The following MAP2 variants were observed in gnomAD, a reference collection of about 807,000 sequenced individuals.
MAP2 encodes microtubule associated protein 2, also known as microtubule-associated protein 2.
A neutral mutation model predicts 137.6 loss-of-function variants in MAP2; 14 were observed. The ratio of observed to expected loss-of-function variants is 0.10; its 90% CI spans 0.07 to 0.16. The LOEUF (loss-of-function observed/expected upper bound fraction) is 0.16, where lower values mean the gene tolerates loss of function less well. Ranked by LOEUF, MAP2 falls within the 10% of genes least tolerant of loss-of-function variation. The probability of loss-of-function intolerance (pLI) is 1.00; values close to 1 mark genes in which losing one functional copy is unlikely to be tolerated. For missense variants in MAP2, 2,088 were observed against 2,191.5 expected (o/e 0.95, Z 0.94); for synonymous variants, 786 against 782.3 (o/e 1.00, Z -0.08).
Position 209,693,224 on chromosome 2 carries a change from T to A in MAP2, c.1054T>A (p.Ser352Thr). ...CTTTTTACAGCCAGATGACAAAAAATCTCTGCAACAAACCAGTGGCCCAGC... is the reference window on the plus strand; with the variant it reads ...CTTTTTACAGCCAGATGACAAAAAAACTCTGCAACAAACCAGTGGCCCAGC... ...PAFLQPDDKK[S>T]LQQTSGPATA... Residue 352 changes from serine to threonine, a missense_variant, in exon 8 of 16, where the codon TCT becomes ACT. By Grantham distance (58) the Ser-to-Thr change is moderately conservative (BLOSUM62 1). Coordinates refer to ENST00000682079, the MANE Select transcript of MAP2 (RefSeq NM_001375505.1). 2 of 1,613,702 alleles carry A rather than the reference T, an allele frequency of 1.2e-6. No individual in the cohort carries two copies. Among genetic ancestry groups the A allele is most frequent in the Non-Finnish European group, 1.7e-6 (2 of 1,179,930 alleles).
intron 5 of MAP2, among the ~76,000 whole-genome samples, chr2:209,675,005 A>G (rs976657886): frequency 3.3e-5 from 5 of 151,868 alleles, no homozygotes; most frequent in African/African-American, 1.2e-4. Context: ...TAATTGGACC[A>G]GTTGAAATTC....
chr2:209,587,044 A>G (rs1014413053), intron 3 of MAP2, among the ~76,000 whole-genome samples: 1 of 152,084 alleles, frequency 6.6e-6, no homozygotes, highest in Non-Finnish European at 1.5e-5. Context: ...CCCATTCTCA[A>G]TGCTTATTAT....
At position 209,729,937 on chromosome 2, in the gene MAP2, A is replaced by C. The variant is rs1247920237; in HGVS notation, c.5243A>C (p.His1748Pro). ...AKVGSLDNAH[H>P]VPGGGNVKID... is the part of the protein sequence containing the mutation. ...GTTGGTTCTCTTGATAATGCTCATC[A>C]TGTACCTGGAGGTGGTAATGTCAAG... The change falls in exon 15 of 16, where the codon CAT (histidine) becomes CCT (proline). Residue 1748 changes from histidine to proline, a missense_variant. Around this residue, in one of 6 missense-constraint regions of MAP2, gnomAD observed 112 missense variants for 201.0 expected, o/e 0.56. Coordinates refer to ENST00000682079, the MANE Select transcript of MAP2 (RefSeq NM_001375505.1). The C allele has an allele frequency of 6.2e-7, 1 of 1,611,968 alleles. No individual in the cohort carries two copies. The highest frequency in any genetic ancestry group is 8.5e-7 in the Non-Finnish European group (1 of 1,178,184).
intron 14 of MAP2, among the ~76,000 whole-genome samples, chr2:209,729,094 A>C (rs1253723833): frequency 2.0e-5 from 3 of 152,128 alleles, no homozygotes; most frequent in Non-Finnish European, 2.9e-5. Context: ...GGAAGACTAC[A>C]CTGAAGAGTG....
At chr2:209,690,844 G>A in intron 7 of MAP2, 2 of 1,278,430 alleles carry the variant, frequency 1.6e-6, no homozygotes, top group Non-Finnish European at 2.0e-6. Flanking sequence ...CCTCTGCTGG[G>A]GAAGGTGTGT....
At chr2:209,425,941 A>G (rs961143730) in intron 1 of MAP2, among the ~76,000 whole-genome samples, 7 of 152,210 alleles carry the variant, frequency 4.6e-5, no homozygotes, top group African/African-American at 9.6e-5. Flanking sequence ...GAATTTGCAA[A>G]TCATGGATGT....
intron 1 of MAP2, among the ~76,000 whole-genome samples, chr2:209,506,758 T>A (rs35781477): frequency 1.3e-5 from 2 of 152,154 alleles, no homozygotes; most frequent in Non-Finnish European, 2.9e-5. Flanking sequence ...ATTGTCTTAT[T>A]TGAACTTTGC....
At chr2:209,623,354 AT>A (rs948967102) in intron 3 of MAP2, among the ~76,000 whole-genome samples, 3 of 151,982 alleles carry the variant, frequency 2.0e-5, no homozygotes, top group Non-Finnish European at 2.9e-5. Context: ...TATAAAATTC[AT>A]TTTTTTTCTT....
At chr2:209,664,658 G>T (rs1300856108) in intron 5 of MAP2, among the ~76,000 whole-genome samples, 1 of 151,984 alleles carries the variant, frequency 6.6e-6, no homozygotes, top group African/African-American at 2.4e-5. Flanking sequence ...CAATAAATTT[G>T]CAGGAAAGAC....
chr2:209,596,353 C>G (rs1417844466), intron 3 of MAP2, among the ~76,000 whole-genome samples: 2 of 152,162 alleles, frequency 1.3e-5, no homozygotes, highest in Non-Finnish European at 2.9e-5. Flanking sequence ...ACAAAGCACA[C>G]CACGTGAATG....
At chr2:209,436,577 A>G (rs1303915802) in intron 1 of MAP2, among the ~76,000 whole-genome samples, 6 of 151,776 alleles carry the variant, frequency 4.0e-5, no homozygotes, top group Admixed American at 6.6e-5. Context: ...TATAAAAACC[A>G]TACTGTTAAA....
At chr2:209,454,573 G>A (rs758504863) in intron 1 of MAP2, among the ~76,000 whole-genome samples, 5 of 152,136 alleles carry the variant, frequency 3.3e-5, no homozygotes. Context: ...CTGACCTCAA[G>A]TGATCCATCC....
At chr2:209,684,277 C>G (rs994552377) in intron 7 of MAP2, among the ~76,000 whole-genome samples, 4 of 152,114 alleles carry the variant, frequency 2.6e-5, no homozygotes, top group Non-Finnish European at 5.9e-5. Context: ...GTGGTGTTTT[C>G]CTGTGTCATG....
intron 4 of MAP2, among the ~76,000 whole-genome samples, chr2:209,651,175 G>A (rs2094767433): frequency 6.6e-6 from 1 of 152,150 alleles, no homozygotes; most frequent in Non-Finnish European, 1.5e-5. Flanking sequence ...ATGGCAGAAT[G>A]GAGTGTAGAA....
At chr2:209,674,568 T>C (rs920683215) in intron 5 of MAP2, among the ~76,000 whole-genome samples, 8 of 151,772 alleles carry the variant, frequency 5.3e-5, no homozygotes, top group Non-Finnish European at 7.4e-5. Context: ...TGAGATTCCC[T>C]CTGATGTGTG....
chr2:209,487,924 G>C (rs1050250032), intron 1 of MAP2, among the ~76,000 whole-genome samples: 6 of 152,182 alleles, frequency 3.9e-5, no homozygotes, highest in African/African-American at 1.4e-4. Context: ...GAATATGTAA[G>C]AACTTTTTGC....
chr2:209,604,448 A>G lies in MAP2; in HGVS notation c.-106-20605A>G, dbSNP rs189517197. 5.3e-5 allele frequency among the ~76,000 whole-genome samples: 8 copies of G among 152,226 alleles called. No individual in the cohort carries two copies. In the East Asian group the frequency reaches 1.5e-3, roughly 29 times the overall value. ...TTTTGCTCCTGGTCTAAAGAAACTC[A>G]CCAATATTCATTTTGGTGATACATT... On this transcript the variant is annotated intron_variant, in intron 3 of 15. Transcript: ENST00000682079.
chr2:209,435,528 G>T (rs1303997045), intron 1 of MAP2, among the ~76,000 whole-genome samples: 1 of 151,812 alleles, frequency 6.6e-6, no homozygotes, highest in East Asian at 1.9e-4. Flanking sequence ...GCCTGTGTGG[G>T]TGGTGCTGGA....
intron 2 of MAP2, among the ~76,000 whole-genome samples, chr2:209,518,625 A>G (rs1050419488): frequency 6.6e-6 from 1 of 151,850 alleles, no homozygotes; most frequent in Non-Finnish European, 1.5e-5. Flanking sequence ...TTGTTGAATT[A>G]CTTGTATGTG....
Sources: gnomAD v4.1 joint callset for allele counts (sites outside exome capture counted in the v4.1 genomes callset) on GRCh38, gnomAD v4.1.1 for gene constraint, gnomAD v4.1.1 regional missense constraint, MANE v1.5 for transcripts, NCBI Gene and HGNC (gene_info 2026-07-23, HGNC 2026-07-21) for gene names.